FAM120A: variants seen among roughly 807,000 people sequenced by gnomAD.
The protein encoded by FAM120A is constitutive coactivator of PPAR-gamma-like protein 1.
In FAM120A, 15 loss-of-function variants were observed where a neutral mutation model predicts 109.7. That is an observed-to-expected ratio of 0.14 (90% confidence interval 0.09 to 0.21). The LOEUF (loss-of-function observed/expected upper bound fraction) is 0.21, where lower values mean the gene tolerates loss of function less well. FAM120A is among the 10% of genes least tolerant of loss of function. The pLI is 1.00. For synonymous variants in FAM120A, 493 were observed against 572.8 expected, an observed-to-expected ratio of 0.86 and a Z score of 1.99; for missense variants, 899 against 1,439.3, an observed-to-expected ratio of 0.62 and a Z score of 6.07.
At chr9:93,492,012 G>A (rs569747531) in intron 3 of FAM120A, among the ~76,000 whole-genome samples, 1 of 152,324 alleles carries the variant, frequency 6.6e-6, no homozygotes, top group Non-Finnish European at 1.5e-5. Context: ...AGTTACTGCT[G>A]TGATGAGATG....
chr9:93,532,101 T>A lies in FAM120A; in HGVS notation c.1735-54T>A. On this transcript the variant is annotated intron_variant, in intron 9 of 17. Transcript: ENST00000277165. This position sits in a 1 kb window ranked among gnomAD's most constrained non-coding sequence, Gnocchi z 4.3. ...ATACAGTATATTTCTGTGAGTGTAT[T>A]GTAAATTCAACATGAAAAATGTGCA... The A allele has an allele frequency of 1.3e-6, 2 of 1,520,312 alleles. No homozygotes were observed. Among genetic ancestry groups the A allele is most frequent in the Non-Finnish European group, 1.8e-6 (2 of 1,100,170 alleles). The allele number at this position is 1,520,312 out of a possible 1,614,324, so 94.2% of individuals were successfully genotyped here. A position where few individuals can be genotyped will look rare whatever the true frequency, so the allele number is the denominator to read the frequency against.
At chr9:93,560,641 A>C (rs1203549790) in intron 15 of FAM120A, among the ~76,000 whole-genome samples, 4 of 152,272 alleles carry the variant, frequency 2.6e-5, no homozygotes, top group Non-Finnish European at 5.9e-5. Context: ...AATCAAAAGA[A>C]GTTAGTAAAT....
chr9:93,461,136 T>C (rs943078370), intron 1 of FAM120A, among the ~76,000 whole-genome samples: 6 of 152,328 alleles, frequency 3.9e-5, no homozygotes, highest in African/African-American at 1.4e-4. Flanking sequence ...AACGGTACTT[T>C]TATGCGCCAG....
At position 93,452,652 on chromosome 9, in the gene FAM120A, C is replaced by T. The variant is rs1857313637; in HGVS notation, c.474+263C>T. The T allele has an allele frequency of 1.3e-6, 2 of 1,599,048 alleles. No individual in the cohort carries two copies. Among genetic ancestry groups the T allele is most frequent in the Non-Finnish European group, 1.7e-6 (2 of 1,179,918 alleles). On this transcript the variant is annotated intron_variant, in intron 1 of 17. Transcript: ENST00000277165. This position sits in a 1 kb window ranked among gnomAD's most constrained non-coding sequence, Gnocchi z 7.0. Reference sequence around the variant, plus strand: ...ACACTTGAGGGCTGGGAGAGAGCCCCGGACCAGAATTCGGAGGCGACAGTG... The same window carrying T: ...ACACTTGAGGGCTGGGAGAGAGCCCTGGACCAGAATTCGGAGGCGACAGTG...
chr9:93,564,491 G>A lies in FAM120A; in HGVS notation c.3308G>A (p.Cys1103Tyr), dbSNP rs375682793. 3 of 1,613,580 alleles carry A rather than the reference G, an allele frequency of 1.9e-6. No individual in the cohort carries two copies. Among genetic ancestry groups the A allele is most frequent in the African/African-American group, 1.3e-5 (1 of 74,942 alleles). Residue 1103 changes from cysteine to tyrosine, a missense_variant, in exon 18 of 18, where the codon TGC becomes TAC. Cys to Tyr is a radical substitution (Grantham distance 194). Transcript: ENST00000277165. ...AATGCACTAAGTACAGACAGCGCTT[G>A]CCGCAGAGAAGCTGCTCTGGAGGCA... ...HLNALSTDSA[C>Y]RREAALEAAV... is the part of the protein sequence containing the mutation.
rs191120467 is a variant in FAM120A at position 93,469,954 on chromosome 9, C to T, written c.475-1187C>T. 2.0e-5 allele frequency among the ~76,000 whole-genome samples: 3 copies of T among 152,262 alleles called. No homozygotes were observed. The East Asian group carries it at 5.8e-4, about 29-fold the overall frequency. On this transcript the variant is annotated intron_variant, in intron 1 of 17. Coordinates refer to ENST00000277165, the MANE Select transcript of FAM120A (RefSeq NM_014612.5). ...AGTGATGTCCAGTAGAATTTTCTGACGTAGTGAGAATGTTCTGTGCTGTCC... is the reference window on the plus strand; with the variant it reads ...AGTGATGTCCAGTAGAATTTTCTGATGTAGTGAGAATGTTCTGTGCTGTCC...
At chr9:93,479,692 G>C (rs1858712521) in intron 3 of FAM120A, among the ~76,000 whole-genome samples, 1 of 152,118 alleles carries the variant, frequency 6.6e-6, no homozygotes, top group Non-Finnish European at 1.5e-5. Context: ...CAGTATGTTG[G>C]CAGCACTATG....
At chr9:93,479,259 C>A (rs1045309505) in intron 3 of FAM120A, among the ~76,000 whole-genome samples, 1 of 151,760 alleles carries the variant, frequency 6.6e-6, no homozygotes, top group East Asian at 1.9e-4. Context: ...CCACTACGCC[C>A]GGCTAATTTT....
At chr9:93,557,126 G>GTTTTTTTTTTTTTT (rs1361346618) in intron 13 of FAM120A, among the ~76,000 whole-genome samples, 1 of 114,028 alleles carries the variant, frequency 8.8e-6, no homozygotes, top group African/African-American at 4.0e-5. Context: ...TGTTTGTTTT[G>GTTTTTTTTTTTTTT]GTTTTTTTTT....
chr9:93,514,999 C>T (rs941791927), intron 5 of FAM120A, among the ~76,000 whole-genome samples: 3 of 151,976 alleles, frequency 2.0e-5, no homozygotes, highest in African/African-American at 7.2e-5. Flanking sequence ...TGCAAGGTAG[C>T]GTGGGAATGA....
At position 93,532,640 on chromosome 9, in the gene FAM120A, G is replaced by A. The variant is rs913830964; in HGVS notation, c.1909+311G>A. 6 of 340,522 alleles carry A rather than the reference G, an allele frequency of 1.8e-5. No homozygotes were observed. Among genetic ancestry groups the A allele is most frequent in the African/African-American group, 1.1e-4 (5 of 46,998 alleles). 21.1% of individuals were successfully genotyped at this position (340,522 alleles called of 1,614,324 possible). On this transcript the variant is annotated intron_variant, in intron 10 of 17. Transcript: ENST00000277165. This position sits in a 1 kb window ranked among gnomAD's most constrained non-coding sequence, Gnocchi z 4.3. ...TGCCGCCACTCTCTGTAATTACCACGTCTTGGTAATCAGGACGAGTGAGTT... is the reference window on the plus strand; with the variant it reads ...TGCCGCCACTCTCTGTAATTACCACATCTTGGTAATCAGGACGAGTGAGTT...
At chr9:93,476,071 C>T (rs997112189) in intron 2 of FAM120A, among the ~76,000 whole-genome samples, 185 bp from the exon 3 acceptor site, 5 of 152,294 alleles carry the variant, frequency 3.3e-5, no homozygotes, top group Admixed American at 6.5e-5. Flanking sequence ...TAGAAATTCC[C>T]GTCATTCTTG....
At chr9:93,529,121 G>A (rs1861214888) in intron 8 of FAM120A, among the ~76,000 whole-genome samples, 1 of 152,190 alleles carries the variant, frequency 6.6e-6, no homozygotes, top group Admixed American at 6.5e-5. Flanking sequence ...CTCTCCTGTG[G>A]CACAGTAGAT....
chr9:93,474,787 G>T (rs1160480083), intron 2 of FAM120A, among the ~76,000 whole-genome samples: 1 of 152,172 alleles, frequency 6.6e-6, no homozygotes, highest in Admixed American at 6.5e-5. Context: ...TAGAGATGGG[G>T]TTTCACCGTG....
chr9:93,497,602 A>G lies in FAM120A; in HGVS notation c.933+3A>G, dbSNP rs752895203. Reference sequence around the variant, plus strand: ...AAGATGTTTTCCAGCATTCACAGGTAAAAAAAAAAACAAACAAAACAAAAA... The same window carrying G: ...AAGATGTTTTCCAGCATTCACAGGTGAAAAAAAAAACAAACAAAACAAAAA... On this transcript the variant is annotated splice_donor_region_variant and intron_variant, in intron 4 of 17. Transcript: ENST00000277165. 2.1e-6 allele frequency: 2 copies of G among 960,062 alleles called. No homozygotes were observed. The highest frequency in any genetic ancestry group is 3.1e-5 in the African/African-American group (1 of 32,442). 59.5% of individuals were successfully genotyped at this position (960,062 alleles called of 1,614,324 possible). A position where few individuals can be genotyped will look rare whatever the true frequency, so the allele number is the denominator to read the frequency against.
Position 93,452,335 on chromosome 9 carries a change from G to T in FAM120A, c.420G>T (p.Pro140=), listed in dbSNP as rs1037874200. 1 of 1,612,906 alleles carries T rather than the reference G, an allele frequency of 6.2e-7. No homozygotes were observed. Among genetic ancestry groups the T allele is most frequent in the South Asian group, 1.1e-5 (1 of 91,026 alleles). ...GTPPPKVWFL[P]PVCMAHCIRL... ...CGCCGCCAAAGGTCTGGTTCCTGCC[G>T]CCCGTCTGCATGGCCCACTGCATCC... Residue 140 remains proline, a synonymous_variant, in exon 1 of 18, where the codon CCG becomes CCT. Coordinates refer to ENST00000277165, the MANE Select transcript of FAM120A (RefSeq NM_014612.5). The surrounding 1 kb of genome is among the most constrained non-coding windows in gnomAD (Gnocchi z 7.0).
At chr9:93,562,651 C>T (rs1327995643) in intron 17 of FAM120A, among the ~76,000 whole-genome samples, 1 of 147,722 alleles carries the variant, frequency 6.8e-6, no homozygotes, top group African/African-American at 2.6e-5. Context: ...CTTTTTTTTT[C>T]TTTCTTTCTT....
At chr9:93,492,517 C>T (rs1216524139) in intron 3 of FAM120A, among the ~76,000 whole-genome samples, 2 of 152,072 alleles carry the variant, frequency 1.3e-5, no homozygotes, top group African/African-American at 2.4e-5. Flanking sequence ...TCCTCCTGCA[C>T]GTGGGTAGCA....
At chr9:93,466,934 TAC>T (rs977667760) in intron 1 of FAM120A, among the ~76,000 whole-genome samples, 6 of 152,184 alleles carry the variant, frequency 3.9e-5, no homozygotes, top group African/African-American at 1.4e-4. Flanking sequence ...GAGGCATACT[TAC>T]ACAAGTCGAG....
Sources: gnomAD v4.1 joint callset for allele counts (sites outside exome capture counted in the v4.1 genomes callset) on GRCh38, gnomAD v4.1.1 for gene constraint, Gnocchi (gnomAD v3.1) non-coding constraint, MANE v1.5 for transcripts, NCBI Gene and HGNC (gene_info 2026-07-23, HGNC 2026-07-21) for gene names.